ALG14: variants seen among roughly 807,000 people sequenced by gnomAD.
The protein encoded by ALG14 is UDP-N-acetylglucosamine transferase subunit ALG14.
In ALG14, 17 loss-of-function variants were observed where a neutral mutation model predicts 22.8. That is an observed-to-expected ratio of 0.75 (90% CI 0.51 to 1.12). The LOEUF is 1.12. Among genes scored for constraint, ALG14 ranks in the 50% most tolerant of loss-of-function variants. ALG14 has a pLI of 0.00. For missense variants in ALG14, 288 were observed against 271.8 expected (o/e 1.06, Z -0.42); for synonymous variants, 89 against 103.7 (o/e 0.86, Z 0.86).
intron 1 of ALG14, among the ~76,000 whole-genome samples, chr1:95,070,079 C>T (rs1675510737): frequency 1.3e-5 from 2 of 152,136 alleles, no homozygotes; most frequent in Non-Finnish European, 2.9e-5. Flanking sequence ...ATCTGATCTA[C>T]CTTGTTTGAC....
At position 95,014,119 on chromosome 1, in the gene ALG14, TG is replaced by T. The variant is rs528888515; in HGVS notation, c.420+13009del. ...AGTTCTAATTACTCCCCAGAGACCA[TG>T]GGAGCTTAGGGTTTCAGTACAGCAT... On this transcript the variant is annotated intron_variant, in intron 3 of 3. Transcript: ENST00000370205. 2.8e-4 allele frequency among the ~76,000 whole-genome samples: 43 copies of T among 152,290 alleles called. No individual in the cohort carries two copies. The South Asian group carries it at 3.7e-3, about 13-fold the overall frequency.
At chr1:95,039,459 G>A (rs2100793784) in intron 2 of ALG14, among the ~76,000 whole-genome samples, 1 of 152,226 alleles carries the variant, frequency 6.6e-6, no homozygotes, top group South Asian at 2.1e-4. Flanking sequence ...AGTGAGAAGG[G>A]AGATTTAGGA....
chr1:95,058,450 C>T (rs1675013641), intron 2 of ALG14, among the ~76,000 whole-genome samples: 2 of 150,492 alleles, frequency 1.3e-5, no homozygotes, highest in Non-Finnish European at 1.5e-5. Flanking sequence ...CCCATCTTTA[C>T]TAATAATACC....
intron 2 of ALG14, among the ~76,000 whole-genome samples, chr1:95,061,146 A>G (rs1432793531): frequency 1.3e-5 from 2 of 152,194 alleles, no homozygotes; most frequent in Non-Finnish European, 2.9e-5. Context: ...GTATGGCCCC[A>G]TGACACCTTG....
intron 2 of ALG14, among the ~76,000 whole-genome samples, chr1:95,036,055 T>TA (rs2100787190): frequency 6.6e-6 from 1 of 152,324 alleles, no homozygotes; most frequent in Non-Finnish European, 1.5e-5. Context: ...AATTTTTTTT[T>TA]ATATGTCCTT....
chr1:95,025,916 C>A (rs909873154), intron 3 of ALG14, among the ~76,000 whole-genome samples: 1 of 152,180 alleles, frequency 6.6e-6, no homozygotes, highest in Non-Finnish European at 1.5e-5. Flanking sequence ...TATCGTGAAA[C>A]CAGTGTGTTC....
chr1:95,003,063 G>A (rs1038989742), intron 3 of ALG14, among the ~76,000 whole-genome samples: 3 of 152,178 alleles, frequency 2.0e-5, no homozygotes, highest in Admixed American at 2.0e-4. Flanking sequence ...TCCAGTTCAC[G>A]GAGATTAAAT....
At chr1:95,004,687 G>A (rs1349060492) in intron 3 of ALG14, among the ~76,000 whole-genome samples, 1 of 151,608 alleles carries the variant, frequency 6.6e-6, no homozygotes, top group Non-Finnish European at 1.5e-5. Context: ...ATTTTTAGTA[G>A]AGATGGGGTT....
At chr1:95,039,660 A>G (rs1220543094) in intron 2 of ALG14, among the ~76,000 whole-genome samples, 5 of 152,220 alleles carry the variant, frequency 3.3e-5, no homozygotes, top group African/African-American at 1.2e-4. Flanking sequence ...TAGAAAACAT[A>G]CACAGGTATT....
At chr1:94,994,195 TA>T (rs1249825207) in intron 3 of ALG14, among the ~76,000 whole-genome samples, 3 of 152,232 alleles carry the variant, frequency 2.0e-5, no homozygotes, top group Non-Finnish European at 4.4e-5. Context: ...CCGAATCTTT[TA>T]GTTTTCCTGT....
chr1:94,993,313 CTT>C (rs1246638304), intron 3 of ALG14, among the ~76,000 whole-genome samples: 2 of 144,812 alleles, frequency 1.4e-5, no homozygotes, highest in Non-Finnish European at 3.0e-5. Flanking sequence ...CTCCTTCTAT[CTT>C]TATATAAATA....
chr1:95,016,993 GTGTA>G (rs1486443129), intron 3 of ALG14, among the ~76,000 whole-genome samples: 30 of 132,506 alleles, frequency 2.3e-4, no homozygotes, highest in Non-Finnish European at 3.5e-4. Flanking sequence ...GTGTGTGTGT[GTGTA>G]GTGTGGTGTG....
chr1:95,004,752 C>T (rs10747462), intron 3 of ALG14, among the ~76,000 whole-genome samples: 26,727 of 151,964 alleles, frequency 0.18, 3,002 homozygotes, highest in East Asian at 0.58. Context: ...CTACCTGCCT[C>T]CCAACGTGCT....
At chr1:95,041,003 T>C (rs527670872) in intron 2 of ALG14, among the ~76,000 whole-genome samples, 4 of 152,312 alleles carry the variant, frequency 2.6e-5, no homozygotes, top group South Asian at 4.1e-4. Flanking sequence ...TAATTGAGAT[T>C]TGGGGAGGAA....
intron 3 of ALG14, among the ~76,000 whole-genome samples, chr1:95,004,215 CTTTTT>C (rs869303546): frequency 8.5e-6 from 1 of 117,088 alleles, no homozygotes; most frequent in African/African-American, 3.4e-5. Context: ...GGGTAATTAA[CTTTTT>C]TTTTTTTTTT....
rs34364382 is a variant in ALG14 at position 95,072,868 on chromosome 1, C to T, written c.31G>A (p.Ala11Thr). The change falls in exon 1 of 4, where the codon GCA becomes ACA. Residue 11 changes from alanine (A) to threonine (T), a missense_variant. By Grantham distance (58) the Ala-to-Thr change is moderately conservative (BLOSUM62 0). Coordinates refer to ENST00000370205, the MANE Select transcript of ALG14 (RefSeq NM_144988.4). ...ATTAGGAAAACCGCCACAGCTCCTG[C>T]GGCCGCAGCTAGAACGAGAACGCAC... MVCVLVLAAA[A>T]GAVAVFLILR... 0.011 allele frequency: 17,260 copies of T among 1,614,130 alleles called. 106 individuals are homozygous for T. The highest frequency in any genetic ancestry group is 0.013 in the Non-Finnish European group (15,142 of 1,180,028).
chr1:95,013,523 A>G (rs924510662), intron 3 of ALG14, among the ~76,000 whole-genome samples: 2 of 151,780 alleles, frequency 1.3e-5, no homozygotes, highest in African/African-American at 2.4e-5. Context: ...GTTTCACCAT[A>G]TTGGCCAGGC....
At chr1:94,990,628 G>A (rs1313292457) in intron 3 of ALG14, among the ~76,000 whole-genome samples, 5 of 152,168 alleles carry the variant, frequency 3.3e-5, no homozygotes, top group African/African-American at 9.7e-5. Flanking sequence ...CTGCGTGAAC[G>A]TACTACAGTC....
intron 2 of ALG14, among the ~76,000 whole-genome samples, chr1:95,059,417 A>AC (rs1675058666): frequency 6.7e-6 from 1 of 148,538 alleles, no homozygotes; most frequent in Non-Finnish European, 1.5e-5. Context: ...AAAAAAAAAA[A>AC]AAACATATTA....
Sources: gnomAD v4.1 joint callset for allele counts (sites outside exome capture counted in the v4.1 genomes callset) on GRCh38, gnomAD v4.1.1 for gene constraint, MANE v1.5 for transcripts, NCBI Gene and HGNC (gene_info 2026-07-23, HGNC 2026-07-21) for gene names.